Variants in PPP3CC observed in about 807,000 individuals in gnomAD.
The protein encoded by PPP3CC is protein phosphatase 3 catalytic subunit gamma.
In PPP3CC, 35 loss-of-function variants were observed where a neutral mutation model predicts 60.3. The ratio of observed to expected loss-of-function variants is 0.58; its 90% CI spans 0.44 to 0.77. The LOEUF is 0.77. Among genes scored for constraint, PPP3CC ranks in the 30% least tolerant of loss-of-function variants. PPP3CC has a pLI of 0.00. For missense variants in PPP3CC, 570 were observed against 628.9 expected, an observed-to-expected ratio of 0.91 and a Z score of 1.00; for synonymous variants, 206 against 224.3, an observed-to-expected ratio of 0.92 and a Z score of 0.73.
intron 4 of PPP3CC, among the ~76,000 whole-genome samples, chr8:22,500,991 A>C (rs1454325251): frequency 6.6e-6 from 1 of 152,094 alleles, no homozygotes; most frequent in Non-Finnish European, 1.5e-5. Flanking sequence ...CCATCTCTAC[A>C]AAATAAAACA....
chr8:22,497,122 C>G (rs149380823), intron 3 of PPP3CC, among the ~76,000 whole-genome samples: 6 of 152,094 alleles, frequency 3.9e-5, no homozygotes, highest in Admixed American at 3.9e-4. Flanking sequence ...CTCCGCTTCC[C>G]GGGTTCAAGC....
chr8:22,519,435 C>T (rs547081451), intron 6 of PPP3CC, among the ~76,000 whole-genome samples: 33 of 152,040 alleles, frequency 2.2e-4, no homozygotes, highest in African/African-American at 8.0e-4. Flanking sequence ...TTCTACTATT[C>T]CTCTCTTTTT....
At chr8:22,499,576 G>A (rs895064771) in intron 4 of PPP3CC, among the ~76,000 whole-genome samples, 1 of 152,186 alleles carries the variant, frequency 6.6e-6, no homozygotes, top group Non-Finnish European at 1.5e-5. Context: ...TGGCAATACA[G>A]CGAGACTCCA....
rs151252628 is a variant in PPP3CC, at chr8:22,447,795, T to C, written c.49+6337T>C. Among the ~76,000 whole-genome samples, 394 of 152,338 alleles carry C rather than the reference T, an allele frequency of 2.6e-3. 1 individual carries two copies. The highest frequency in any genetic ancestry group is 8.8e-3 in the African/African-American group (366 of 41,578). On this transcript the variant is annotated intron_variant, in intron 1 of 13. Coordinates refer to ENST00000240139, the MANE Select transcript of PPP3CC (RefSeq NM_005605.5). ...ATTCAATTTTGTTTTGTTGGCACTT[T>C]AGATTATCCTGAAGTCTTTTAGTTT...
At chr8:22,531,311 T>C in intron 10 of PPP3CC, 1 of 1,532,162 alleles carries the variant, frequency 6.5e-7, no homozygotes. Context: ...GATCACTACA[T>C]TCCAAGCTAT....
chr8:22,467,306 A>G (rs558988653), intron 1 of PPP3CC, among the ~76,000 whole-genome samples: 22 of 152,276 alleles, frequency 1.4e-4, no homozygotes, highest in African/African-American at 5.3e-4. Flanking sequence ...TAGCAATTCA[A>G]TAAAATTATT....
intron 1 of PPP3CC, among the ~76,000 whole-genome samples, chr8:22,459,174 G>T (rs7007673): frequency 0.54 from 82,399 of 151,730 alleles, 23,244 homozygotes; most frequent in African/African-American, 0.7. Flanking sequence ...CCAAGTGATC[G>T]TTCCGCCTCC....
At chr8:22,508,450 T>C (rs1418203173) in intron 4 of PPP3CC, among the ~76,000 whole-genome samples, 2 of 152,232 alleles carry the variant, frequency 1.3e-5, no homozygotes, top group South Asian at 2.1e-4. Flanking sequence ...TGATATTTCA[T>C]AGCCTATTTT....
At chr8:22,449,928 G>A (rs541319830) in intron 1 of PPP3CC, among the ~76,000 whole-genome samples, 1 of 149,012 alleles carries the variant, frequency 6.7e-6, no homozygotes, top group African/African-American at 2.5e-5. Context: ...ATGCAGTGGC[G>A]CAATCTCGGC....
Position 22,510,182 on chromosome 8 carries a change from C to CAA in PPP3CC, c.485-886_485-885dup, listed in dbSNP as rs71546815. ...TGGGGGACAGAGCAAGACTCCGTCTCAAAAAAAAAAAAAAAAAAAGAGGCC... is the reference window on the plus strand; with the variant it reads ...TGGGGGACAGAGCAAGACTCCGTCTCAAAAAAAAAAAAAAAAAAAAAGAGGCC... On this transcript the variant is annotated intron_variant, in intron 4 of 13. Transcript: ENST00000240139. Among the ~76,000 whole-genome samples, 408 of 88,054 alleles carry CAA rather than the reference C, an allele frequency of 4.6e-3. 7 individuals are homozygous for CAA. The highest frequency in any genetic ancestry group is 0.012 in the South Asian group (27 of 2,280). The allele number at this position is 88,054 out of a possible 152,430, so 57.8% of individuals were successfully genotyped here.
chr8:22,532,812 G>A (rs1839751173), intron 11 of PPP3CC, 109 bp from the exon 12 acceptor site: 3 of 663,724 alleles, frequency 4.5e-6, no homozygotes, highest in South Asian at 2.7e-5. Flanking sequence ...TAGGAGGTAG[G>A]AGAACCTATC....
chr8:22,454,421 G>A (rs1249750178), intron 1 of PPP3CC, among the ~76,000 whole-genome samples: 1 of 152,112 alleles, frequency 6.6e-6, no homozygotes, highest in Non-Finnish European at 1.5e-5. Context: ...GGACCTGTCT[G>A]GGGCTGTTTT....
At chr8:22,534,422 CAA>C (rs34306343) in intron 12 of PPP3CC, among the ~76,000 whole-genome samples, 117 of 134,400 alleles carry the variant, frequency 8.7e-4, no homozygotes, top group Admixed American at 8.9e-4. Flanking sequence ...ACCCTGTCTC[CAA>C]AAAAAAAAAA....
intron 6 of PPP3CC, 23 bp from the exon 7 acceptor site, chr8:22,522,468 T>G: frequency 6.4e-7 from 1 of 1,568,966 alleles, no homozygotes; most frequent in Non-Finnish European, 8.7e-7. Context: ...TCTGGATTTA[T>G]GTTTTCTAAT....
rs199671517 is a variant in PPP3CC, at chr8:22,512,842, C to T, written c.631-451C>T. Reference sequence around the variant, plus strand: ...CTGTAATCCCAGCACTTTGGGAGGCCGAGGAGGGCGGATCACCTGAGGTCA... The same window carrying T: ...CTGTAATCCCAGCACTTTGGGAGGCTGAGGAGGGCGGATCACCTGAGGTCA... On this transcript the variant is annotated intron_variant, in intron 5 of 13. Coordinates refer to ENST00000240139, the MANE Select transcript of PPP3CC (RefSeq NM_005605.5). Among the ~76,000 whole-genome samples the T allele has an allele frequency of 1.4e-3, 219 of 152,142 alleles. 1 individual carries two copies. The highest frequency in any genetic ancestry group is 1.9e-3 in the Non-Finnish European group (126 of 67,966).
chr8:22,497,148 G>T (rs1838613900), intron 3 of PPP3CC, among the ~76,000 whole-genome samples: 1 of 152,184 alleles, frequency 6.6e-6, no homozygotes, highest in Non-Finnish European at 1.5e-5. Context: ...TCATGCCTCA[G>T]CCTCCCGAGT....
rs946316696 is a variant in PPP3CC at position 22,527,626 on chromosome 8, T to C, written c.1069+109T>C. 3.0e-6 allele frequency: 4 copies of C among 1,328,620 alleles called. No homozygotes were observed. In the African/African-American group the frequency reaches 4.4e-5, roughly 15 times the overall value. 82.3% of individuals were successfully genotyped at this position (1,328,620 alleles called of 1,614,324 possible). A position where few individuals can be genotyped will look rare whatever the true frequency, so the allele number is the denominator to read the frequency against. On this transcript the variant is annotated intron_variant, in intron 9 of 13. Coordinates refer to ENST00000240139, the MANE Select transcript of PPP3CC (RefSeq NM_005605.5). ...AAATGTTTTCTAATTTTGTTTGTTC[T>C]CTACATAGATTTTTTTTTTTTTTTT...
intron 3 of PPP3CC, among the ~76,000 whole-genome samples, chr8:22,485,275 C>G (rs1838191487): frequency 6.6e-6 from 1 of 152,046 alleles, no homozygotes; most frequent in South Asian, 2.1e-4. Context: ...ATAAAGTACC[C>G]ACTTACCAAG....
chr8:22,468,836 C>T (rs73227869), intron 1 of PPP3CC, among the ~76,000 whole-genome samples: 2,638 of 152,246 alleles, frequency 0.017, 31 homozygotes, highest in Non-Finnish European at 0.023. Flanking sequence ...CTCATATGCT[C>T]GCACAGAATT....
Sources: allele counts gnomAD v4.1 joint callset (sites outside exome capture counted in the v4.1 genomes callset), GRCh38; gene constraint gnomAD v4.1.1; transcripts MANE v1.5; gene names NCBI Gene and HGNC (gene_info 2026-07-23, HGNC 2026-07-21).